DISP3: variants seen among roughly 807,000 people sequenced by gnomAD.
The protein encoded by DISP3 is dispatched RND transporter family member 3.
A neutral mutation model predicts 135.3 loss-of-function variants in DISP3; 101 were observed. That is an observed-to-expected ratio of 0.75 (90% CI 0.64 to 0.88). The LOEUF is 0.88. DISP3 is among the 40% of genes least tolerant of loss of function. The pLI is 0.00. For missense variants in DISP3, 1,713 were observed against 1,878.6 expected, an observed-to-expected ratio of 0.91 and a Z score of 1.63; for synonymous variants, 856 against 817.0, an observed-to-expected ratio of 1.05 and a Z score of -0.81.
intron 4 of DISP3, 81 bp downstream of exon 4, chr1:11,514,607 T>C (rs1407458898): frequency 6.0e-6 from 9 of 1,498,512 alleles, no homozygotes; most frequent in Non-Finnish European, 8.3e-6. Flanking sequence ...TCAAGAATGC[T>C]GCAATACTCT....
chr1:11,489,223 C>T (rs556646828), intron 1 of DISP3, among the ~76,000 whole-genome samples: 1 of 152,330 alleles, frequency 6.6e-6, no homozygotes, highest in East Asian at 1.9e-4. Flanking sequence ...CATGGCGGCC[C>T]CTCAGCAGGT....
intron 1 of DISP3, chr1:11,481,759 T>C (rs537342902): frequency 9.8e-5 from 15 of 152,288 alleles, no homozygotes; most frequent in East Asian, 5.8e-4. Context: ...TGAGTGTGGG[T>C]GGGATTGAAA....
rs79807130 is a variant in DISP3, at chr1:11,499,776, G to A, written c.-3-1214G>A. Among the ~76,000 whole-genome samples the A allele has an allele frequency of 7.8e-4, 118 of 151,514 alleles. No individual in the cohort carries two copies. In the East Asian group the frequency reaches 0.02, roughly 25 times the overall value. On this transcript the variant is annotated intron_variant, in intron 1 of 20. Transcript: ENST00000294484. The surrounding 1 kb of genome is among the most constrained non-coding windows in gnomAD (Gnocchi z 5.2). The stretch of plus-strand genomic sequence containing the variant: ...TCTCTGTCTCTGTTTCCCTCCTTCC[G>A]TCACCTCCTCTTGCTTACTTTCTCT...
chr1:11,493,308 C>T (rs965376935), intron 1 of DISP3, among the ~76,000 whole-genome samples: 25 of 152,228 alleles, frequency 1.6e-4, no homozygotes, highest in African/African-American at 6.0e-4. Flanking sequence ...AATGTCCAAG[C>T]TCTAGCAGTC....
intron 12 of DISP3, 114 bp downstream of exon 12, chr1:11,525,426 T>A: frequency 7.8e-7 from 1 of 1,290,256 alleles, no homozygotes; most frequent in Admixed American, 3.1e-5. Context: ...GCTTTGAGGA[T>A]GAAGACCCCC....
At position 11,531,483 on chromosome 1, in the gene DISP3, G is replaced by C; in HGVS notation, c.3230-82G>C. 2 of 1,586,800 alleles carry C rather than the reference G, an allele frequency of 1.3e-6. No individual in the cohort carries two copies. The highest frequency in any genetic ancestry group is 1.7e-6 in the Non-Finnish European group (2 of 1,158,138). ...AGCACTCTAAGCCTCAGAGGTATGT[G>C]AGTGCGTGGGCACAGGTGTGATGCA... On this transcript the variant is annotated intron_variant, in intron 16 of 20. Coordinates refer to ENST00000294484, the MANE Select transcript of DISP3 (RefSeq NM_020780.2). This position sits in a 1 kb window ranked among gnomAD's most constrained non-coding sequence, Gnocchi z 5.2.
At position 11,532,123 on chromosome 1, in the gene DISP3, A is replaced by G. The variant is rs555547811; in HGVS notation, c.3375+413A>G. Among the ~76,000 whole-genome samples, 6 of 151,610 alleles carry G rather than the reference A, an allele frequency of 4.0e-5. No homozygotes were observed. The South Asian group carries it at 1.0e-3, about 26-fold the overall frequency. On this transcript the variant is annotated intron_variant, in intron 17 of 20. Transcript: ENST00000294484. ...GGCCAGGAGTCCGGCCATCCCCCGT[A>G]CCTCCCTGCTGCCTGTCACCTCTGG...
intron 17 of DISP3, among the ~76,000 whole-genome samples, chr1:11,532,603 A>G (rs1396193386): frequency 6.6e-6 from 1 of 152,254 alleles, no homozygotes; most frequent in East Asian, 1.9e-4. Flanking sequence ...GCAAATGCAG[A>G]CACCAGTTCA....
chr1:11,519,588 T>A lies in DISP3; in HGVS notation c.2038+85T>A. 1 of 1,579,084 alleles carries A rather than the reference T, an allele frequency of 6.3e-7. No homozygotes were observed. The highest frequency in any genetic ancestry group is 8.6e-7 in the Non-Finnish European group (1 of 1,160,738). ...AGGGGAGTAACACTTGACAAGTTGG[T>A]CCTGAGGCTGGGGGCCGGACAAGAT... On this transcript the variant is annotated intron_variant, in intron 8 of 20. Coordinates refer to ENST00000294484, the MANE Select transcript of DISP3 (RefSeq NM_020780.2). The surrounding 1 kb of genome is among the most constrained non-coding windows in gnomAD (Gnocchi z 4.3).
chr1:11,531,100 G>A lies in DISP3; in HGVS notation c.3229+67G>A, dbSNP rs1166116097. Reference sequence around the variant, plus strand: ...GACTGACTGGGGAGGCACAGAGGCCGTGGTCCAAGGTAGACAGCCCGAAGG... The same window carrying A: ...GACTGACTGGGGAGGCACAGAGGCCATGGTCCAAGGTAGACAGCCCGAAGG... On this transcript the variant is annotated intron_variant, in intron 16 of 20. Transcript: ENST00000294484. The surrounding 1 kb of genome is among the most constrained non-coding windows in gnomAD (Gnocchi z 5.2). The A allele has an allele frequency of 2.6e-5, 41 of 1,595,682 alleles. No homozygotes were observed. Among genetic ancestry groups the A allele is most frequent in the South Asian group, 3.3e-5 (3 of 89,822 alleles).
chr1:11,505,040 A>G (rs946682316), intron 3 of DISP3, among the ~76,000 whole-genome samples: 1 of 152,200 alleles, frequency 6.6e-6, no homozygotes, highest in Non-Finnish European at 1.5e-5. Context: ...CTACAGTTTT[A>G]TCACAGTGCT....
Position 11,483,088 on chromosome 1 carries a change from G to A in DISP3, c.-4+3716G>A, listed in dbSNP as rs74497815. Among the ~76,000 whole-genome samples the A allele has an allele frequency of 0.015, 2,304 of 152,340 alleles. 57 individuals are homozygous for A. Among genetic ancestry groups the A allele is most frequent in the African/African-American group, 0.052 (2,168 of 41,562 alleles). ...CAAAGGCCGGAGGCATGGATGCTGC[G>A]GGACCAGTCCAGGGATGGCGGCAGA... On this transcript the variant is annotated intron_variant, in intron 1 of 20. Coordinates refer to ENST00000294484, the MANE Select transcript of DISP3 (RefSeq NM_020780.2). This position sits in a 1 kb window ranked among gnomAD's most constrained non-coding sequence, Gnocchi z 5.4.
chr1:11,498,839 G>A (rs1641417511), intron 1 of DISP3, among the ~76,000 whole-genome samples: 1 of 152,108 alleles, frequency 6.6e-6, no homozygotes, highest in South Asian at 2.1e-4. Flanking sequence ...TCTGCAGATG[G>A]GGAGACTGAA....
chr1:11,497,046 G>A lies in DISP3; in HGVS notation c.-3-3944G>A, dbSNP rs143587818. Among the ~76,000 whole-genome samples, 199 of 152,270 alleles carry A rather than the reference G, an allele frequency of 1.3e-3. 1 individual carries two copies. The highest frequency in any genetic ancestry group is 4.7e-3 in the African/African-American group (194 of 41,536). Reference sequence around the variant, plus strand: ...CACGGGGTGGGGAGGGTGCATGATAGACCAAGAACTCATCAAATCCACTTC... The same window carrying A: ...CACGGGGTGGGGAGGGTGCATGATAAACCAAGAACTCATCAAATCCACTTC... On this transcript the variant is annotated intron_variant, in intron 1 of 20. Coordinates refer to ENST00000294484, the MANE Select transcript of DISP3 (RefSeq NM_020780.2).
At chr1:11,533,912 G>T in intron 17 of DISP3, 1 of 713,272 alleles carries the variant, frequency 1.4e-6, no homozygotes, top group South Asian at 1.5e-5. Context: ...TCCTGCCCTT[G>T]CAATTCACAG....
At chr1:11,532,256 A>G (rs919069017) in intron 17 of DISP3, among the ~76,000 whole-genome samples, 2 of 152,184 alleles carry the variant, frequency 1.3e-5, no homozygotes, top group Non-Finnish European at 2.9e-5. Context: ...GCCCTGGCAC[A>G]TGGCTCTCCC....
Position 11,500,897 on chromosome 1 carries a change from A to C in DISP3, c.-3-93A>C, listed in dbSNP as rs74055714. 7.0e-3 allele frequency: 9,701 copies of C among 1,392,968 alleles called. 470 individuals carry two copies. The African/African-American group carries it at 0.12, about 17-fold the overall frequency. 86.3% of individuals were successfully genotyped at this position (1,392,968 alleles called of 1,614,324 possible). A position where few individuals can be genotyped will look rare whatever the true frequency, so the allele number is the denominator to read the frequency against. ...AGTATTAGTATTTGGTTATGAGTGG[A>C]CAGGGTTGGTACCTAGGGCTGGGCG... On this transcript the variant is annotated intron_variant, in intron 1 of 20. Transcript: ENST00000294484.
chr1:11,484,547 G>T (rs780810617), intron 1 of DISP3, among the ~76,000 whole-genome samples: 1 of 152,194 alleles, frequency 6.6e-6, no homozygotes, highest in African/African-American at 2.4e-5. Flanking sequence ...GTAAGGTCTG[G>T]GTATGTTTCT....
chr1:11,517,747 A>C, intron 7 of DISP3, 145 bp downstream of exon 7: 2 of 1,107,656 alleles, frequency 1.8e-6, no homozygotes, highest in Non-Finnish European at 1.3e-6. Context: ...AGATGCTTCC[A>C]TCCAATAACT....
Sources: allele counts gnomAD v4.1 joint callset (sites outside exome capture counted in the v4.1 genomes callset), GRCh38; gene constraint gnomAD v4.1.1; non-coding constraint Gnocchi (gnomAD v3.1); transcripts MANE v1.5; gene names NCBI Gene and HGNC (gene_info 2026-07-23, HGNC 2026-07-21).